The following CMC4 variants were observed in gnomAD, a reference collection of about 807,000 sequenced individuals.
The protein encoded by CMC4 is C-X9-C motif containing 4, also known as cx9C motif-containing protein 4.
Under a neutral mutation model 5.1 loss-of-function variants are expected in CMC4, and 4 were observed. The observed-to-expected ratio is 0.78, with a 90% CI of 0.38 to 1.78. The LOEUF is 1.78. Ranked by LOEUF, CMC4 falls within the 40% of genes most tolerant of loss-of-function variation. The probability of loss-of-function intolerance (pLI) is 0.04; values close to 1 mark genes in which losing one functional copy is unlikely to be tolerated. For missense variants in CMC4, 52 were observed against 51.3 expected, an observed-to-expected ratio of 1.01 and a Z score of -0.04; for synonymous variants, 23 against 18.9, an observed-to-expected ratio of 1.22 and a Z score of -0.57.
chrX:155,064,035 TAAAACAAG>T lies in CMC4; in HGVS notation c.-10-10_-10-3del. ...TCCTTCTGCGGCATATCCAGAAAAC[TAAAACAAG>T]AAAAATGATTTTTATTTTTCTTTTT... On this transcript the variant is annotated splice_polypyrimidine_tract_variant and splice_region_variant and intron_variant, in intron 1 of 2. Coordinates refer to ENST00000369484, the MANE Select transcript of CMC4 (RefSeq NM_001018024.3). The T allele has an allele frequency of 1.7e-6, 2 of 1,177,155 alleles. No individual in the cohort carries two copies. The highest frequency in any genetic ancestry group is 2.3e-6 in the Non-Finnish European group (2 of 882,482).
intron 2 of CMC4, among the ~76,000 whole-genome samples, chrX:155,063,250 T>C (rs2073935145): frequency 8.9e-6 from 1 of 112,282 alleles, no homozygotes; most frequent in South Asian, 3.6e-4. Context: ...AGGATTTCTT[T>C]GGTGGTGAAT....
intron 1 of CMC4, among the ~76,000 whole-genome samples, chrX:155,070,162 G>A (rs1557292337): frequency 3.6e-5 from 4 of 111,900 alleles, no homozygotes; most frequent in African/African-American, 1.3e-4. Flanking sequence ...TATGTGTGGG[G>A]AGACTTGGGT....
intron 1 of CMC4, among the ~76,000 whole-genome samples, chrX:155,069,388 G>C (rs1442972626): frequency 8.9e-6 from 1 of 112,348 alleles, no homozygotes; most frequent in Non-Finnish European, 1.9e-5. Context: ...ACAAGTTAAC[G>C]TCTCTCCACC....
chrX:155,065,854 C>A, intron 1 of CMC4: 3 of 1,198,063 alleles, frequency 2.5e-6, no homozygotes, highest in Non-Finnish European at 3.4e-6. Context: ...GGAATAGAAA[C>A]CAAGTTACTT....
Position 155,061,854 on chromosome X carries a change from C to T in CMC4, c.196G>A (p.Ala66Thr). Residue 66 changes from alanine to threonine, a missense_variant, in exon 3 of 3, where the codon GCA becomes ACA. Transcript: ENST00000369484. ...ACTTCAGAAGAACTTTACTTTGATG[C>T]AGACTTCCGTGTTAGGTTTTCTTCC... Reference protein sequence around the residue: ...EEEENLTRKSASK With the variant: ...EEEENLTRKSTSK 8.3e-7 allele frequency: 1 copy of T among 1,206,908 alleles called. No homozygotes were observed.
Position 155,062,054 on chromosome X carries a change from G to C in CMC4, c.59-63C>G, listed in dbSNP as rs879957718. The C allele has an allele frequency of 1.9e-5, 20 of 1,063,098 alleles. No homozygotes were observed. The South Asian group carries it at 5.3e-4, about 28-fold the overall frequency. 87.6% of individuals were successfully genotyped at this position (1,063,098 alleles called of 1,213,427 possible). ...TAGGACTAAGGTACAGGGAGGTTTA[G>C]ATCAGTGCTTCCCACCCCTTTTCAC... is the stretch of plus-strand genomic sequence containing the variant. On this transcript the variant is annotated intron_variant, in intron 2 of 2. Coordinates refer to ENST00000369484, the MANE Select transcript of CMC4 (RefSeq NM_001018024.3).
At position 155,065,880 on chromosome X, in the gene CMC4, GAAAT is replaced by G. The variant is rs1188123778; in HGVS notation, c.-10-1851_-10-1848del. On this transcript the variant is annotated intron_variant, in intron 1 of 2. Transcript: ENST00000369484. Reference sequence around the variant, plus strand: ...CAAGTTACTTGAAAGCAAAATCAAAGAAATAAGCAAAATGTAAACAGTTACCTCT... The same window carrying G: ...CAAGTTACTTGAAAGCAAAATCAAAGAAGCAAAATGTAAACAGTTACCTCT... 6.6e-6 allele frequency: 8 copies of G among 1,203,319 alleles called. No homozygotes were observed. The East Asian group carries it at 2.4e-4, about 36-fold the overall frequency.
At chrX:155,065,561 G>A (rs1569560357) in intron 1 of CMC4, 1 of 1,209,040 alleles carries the variant, frequency 8.3e-7, no homozygotes, top group East Asian at 3.0e-5. Context: ...AAAAGTTTAT[G>A]GAGTACTCTG....
At chrX:155,069,403 T>C (rs1557292240) in intron 1 of CMC4, among the ~76,000 whole-genome samples, 1 of 112,504 alleles carries the variant, frequency 8.9e-6, no homozygotes, top group Non-Finnish European at 1.9e-5. Flanking sequence ...TCCACCTCAG[T>C]TTCCTGAGGT....
chrX:155,066,331 G>A (rs781893033), intron 1 of CMC4, among the ~76,000 whole-genome samples: 2 of 112,472 alleles, frequency 1.8e-5, no homozygotes, highest in African/African-American at 3.2e-5. Context: ...AGCACTACAG[G>A]AAGCTGGGCA....
At chrX:155,062,831 A>G (rs782328474) in intron 2 of CMC4, among the ~76,000 whole-genome samples, 1 of 111,721 alleles carries the variant, frequency 9.0e-6, no homozygotes, top group South Asian at 3.8e-4. Context: ...GTCAAATTAC[A>G]TAACTTGTGT....
At position 155,061,972 on chromosome X, in the gene CMC4, T is replaced by G. The variant is rs1259868715; in HGVS notation, c.78A>C (p.Ser26=). 1.9e-5 allele frequency: 23 copies of G among 1,209,026 alleles called. No homozygotes were observed. Among genetic ancestry groups the G allele is most frequent in the Non-Finnish European group, 2.6e-5 (23 of 894,748 alleles). The change falls in exon 3 of 3, where the codon TCA becomes TCC. Residue 26 remains serine (S), a synonymous_variant. Transcript: ENST00000369484. The part of the protein sequence containing the change: ...KCLQANSYME[S]KCQAVIQELR... The stretch of plus-strand genomic sequence containing the variant: ...GTTCTTGGATGACAGCCTGACACTT[T>G]GATTCCATGTAGCTGTTGGCTGAAA...
intron 2 of CMC4, among the ~76,000 whole-genome samples, chrX:155,063,739 T>G (rs781901616): frequency 1.2e-4 from 14 of 112,014 alleles, no homozygotes; most frequent in Admixed American, 1.0e-3. Context: ...TAGGTAAGTG[T>G]TTAAAGATCT....
intron 2 of CMC4, 80 bp downstream of exon 2, chrX:155,063,886 A>G: frequency 1.3e-6 from 1 of 747,479 alleles, no homozygotes; most frequent in South Asian, 2.5e-5. Flanking sequence ...AAAAGAGTTA[A>G]TACAGATAAA....
At chrX:155,065,247 C>T in intron 1 of CMC4, 1 of 423,856 alleles carries the variant, frequency 2.4e-6, no homozygotes, top group Non-Finnish European at 4.1e-6. Flanking sequence ...TTGCAGTATT[C>T]TTCATGACCC....
chrX:155,069,816 C>G (rs1401254350), intron 1 of CMC4, among the ~76,000 whole-genome samples: 1 of 111,980 alleles, frequency 8.9e-6, no homozygotes, highest in Non-Finnish European at 1.9e-5. Context: ...TGACTACCGC[C>G]GATAACAAAC....
At chrX:155,062,836 T>G (rs1285348350) in intron 2 of CMC4, among the ~76,000 whole-genome samples, 3 of 111,551 alleles carry the variant, frequency 2.7e-5, no homozygotes, top group Non-Finnish European at 5.7e-5. Flanking sequence ...ATTACATAAC[T>G]TGTGTGTCTG....
intron 1 of CMC4, chrX:155,064,850 C>T (rs2073942687): frequency 8.9e-6 from 1 of 112,608 alleles, no homozygotes; most frequent in Non-Finnish European, 1.9e-5. Flanking sequence ...ATGCATATCT[C>T]TTTTCAGAGC....
chrX:155,067,546 CTCT>C (rs1441129305), intron 1 of CMC4, among the ~76,000 whole-genome samples: 1 of 112,193 alleles, frequency 8.9e-6, no homozygotes, highest in Non-Finnish European at 1.9e-5. Context: ...CTCCCTGGGC[CTCT>C]CTGCCTATCT....
Sources: gnomAD v4.1 joint callset for allele counts (sites outside exome capture counted in the v4.1 genomes callset) on GRCh38, gnomAD v4.1.1 for gene constraint, MANE v1.5 for transcripts, NCBI Gene and HGNC (gene_info 2026-07-23, HGNC 2026-07-21) for gene names.